Variants in CRB2 observed in about 807,000 individuals in gnomAD.
The protein encoded by CRB2 is protein crumbs homolog 2.
CRB2 carries 85 observed loss-of-function variants against 110.9 expected under a neutral mutation model. The observed-to-expected ratio is 0.77, with a 90% CI of 0.64 to 0.92. The LOEUF (loss-of-function observed/expected upper bound fraction) is 0.92. CRB2 is among the 40% of genes least tolerant of loss of function. The pLI is 0.00. For missense variants in CRB2, 1,843 were observed against 1,851.3 expected (o/e 1.00, Z 0.08); for synonymous variants, 907 against 831.0 (o/e 1.09, Z -1.57).
chr9:123,373,333 C>T lies in CRB2; in HGVS notation c.2802C>T (p.Arg934=), dbSNP rs1325768097. Residue 934 remains arginine, a synonymous_variant, in exon 10 of 13, where the codon CGC becomes CGT. Transcript: ENST00000373631. ...VRNGSLAGGV[R]GGHGLPGAVL... ...ATGGCTCGCTGGCGGGGGGCGTGCG[C>T]GGAGGCCATGGCCTGCCCGGCGCTG... 29 of 1,443,366 alleles carry T rather than the reference C, an allele frequency of 2.0e-5. No individual in the cohort carries two copies. Among genetic ancestry groups the T allele is most frequent in the African/African-American group, 6.0e-5 (4 of 66,790 alleles). The allele number at this position is 1,443,366 out of a possible 1,614,324, so 89.4% of individuals were successfully genotyped here. A position where few individuals can be genotyped will look rare whatever the true frequency, so the allele number is the denominator to read the frequency against.
In CRB2 at chr9:123,373,671, C is replaced by T. The variant is rs1214368804; in HGVS notation, c.3140C>T (p.Thr1047Met). 1.1e-5 allele frequency: 16 copies of T among 1,446,882 alleles called. No individual in the cohort carries two copies. Among genetic ancestry groups the T allele is most frequent in the East Asian group, 3.0e-5 (1 of 33,500 alleles). The allele number at this position is 1,446,882 out of a possible 1,614,324, so 89.6% of individuals were successfully genotyped here. ...AREHFASWPG[T>M]PAPILGCRGA... ...GAGCACTTCGCGTCTTGGCCTGGGA[C>T]GCCGGCCCCGATCCTCGGCTGCCGC... The change falls in exon 10 of 13, where the codon ACG (threonine) becomes ATG (methionine). Residue 1047 changes from threonine to methionine, a missense_variant. By Grantham distance (81) the Thr-to-Met change is moderately conservative (BLOSUM62 -1). Coordinates refer to ENST00000373631, the MANE Select transcript of CRB2 (RefSeq NM_173689.7).
chr9:123,354,879 G>A (rs1301734784), upstream of CRB2, among the ~76,000 whole-genome samples: 1 of 152,192 alleles, frequency 6.6e-6, no homozygotes, highest in African/African-American at 2.4e-5. Flanking sequence ...GGCCTGTGTG[G>A]TGCCCACTGC....
chr9:123,368,950 T>C (rs1217296223), intron 6 of CRB2: 1 of 1,233,440 alleles, frequency 8.1e-7, no homozygotes, highest in East Asian at 7.1e-5. Flanking sequence ...CTGGCAGGTA[T>C]GGAGGAATGT....
chr9:123,368,298 A>G (rs2041965665), intron 6 of CRB2, among the ~76,000 whole-genome samples: 1 of 151,950 alleles, frequency 6.6e-6, no homozygotes. Flanking sequence ...GATGGTGGTC[A>G]CCTCTTCCCC....
rs760279960 is a variant in CRB2, at chr9:123,373,429, G to A, written c.2898G>A (p.Pro966=). ...WHRVRLAMER[P]AATTSRWLLW... ...GCGTGCGTCTGGCCATGGAGCGCCCGGCGGCCACCACCTCGCGCTGGCTGC... is the reference window on the plus strand; with the variant it reads ...GCGTGCGTCTGGCCATGGAGCGCCCAGCGGCCACCACCTCGCGCTGGCTGC... The change falls in exon 10 of 13, where the codon CCG becomes CCA. Residue 966 remains proline, a synonymous_variant. Transcript: ENST00000373631. 2 of 1,447,438 alleles carry A rather than the reference G, an allele frequency of 1.4e-6. No individual in the cohort carries two copies. Among genetic ancestry groups the A allele is most frequent in the Non-Finnish European group, 1.8e-6 (2 of 1,105,822 alleles). 89.7% of individuals were successfully genotyped at this position (1,447,438 alleles called of 1,614,324 possible).
chr9:123,372,185 C>A lies in CRB2; in HGVS notation c.2445C>A (p.Pro815=). 1 of 1,614,024 alleles carries A rather than the reference C, an allele frequency of 6.2e-7. No homozygotes were observed. The highest frequency in any genetic ancestry group is 1.1e-5 in the South Asian group (1 of 91,076). The change falls in exon 9 of 13, where the codon CCC becomes CCA. Residue 815 remains proline, a synonymous_variant. Transcript: ENST00000373631. ...CVSEDMCSPD[P]CFNGGTCLVT... is the part of the protein sequence containing the mutation. The stretch of plus-strand genomic sequence containing the variant: ...CCCTGCCTCTCCCACAGCCTGACCC[C>A]TGTTTCAATGGTGGGACTTGCCTCG...
At position 123,371,485 on chromosome 9, in the gene CRB2, T is replaced by G; in HGVS notation, c.2343T>G (p.Pro781=). 6.2e-7 allele frequency: 1 copy of G among 1,613,208 alleles called. No homozygotes were observed. The highest frequency in any genetic ancestry group is 2.2e-5 in the East Asian group (1 of 44,890). The change falls in exon 8 of 13, where the codon CCT becomes CCG. Residue 781 remains proline (P), a synonymous_variant. Coordinates refer to ENST00000373631, the MANE Select transcript of CRB2 (RefSeq NM_173689.7). The stretch of plus-strand genomic sequence containing the variant: ...ATGGCTGCCACCTCCCCTTCTTTCC[T>G]CTGCCACTGGATAACTCAAGCCAGC... The part of the protein sequence containing the change: ...RLDGCHLPFF[P]LPLDNSSQPS...
chr9:123,379,251 G>A (rs538828365), downstream of CRB2, among the ~76,000 whole-genome samples: 206 of 152,194 alleles, frequency 1.4e-3, no homozygotes, highest in African/African-American at 4.7e-3. Flanking sequence ...GCATTCCCCC[G>A]CCCGCCTCCC....
intron 11 of CRB2, 151 bp from the exon 12 acceptor site, chr9:123,375,066 T>G (rs1212560077): frequency 1.7e-6 from 2 of 1,206,076 alleles, no homozygotes; most frequent in Non-Finnish European, 1.2e-6. Flanking sequence ...GGTGGTCACC[T>G]GGCAGGGCCC....
Position 123,356,265 on chromosome 9 carries a change from C to T in CRB2, c.5C>T (p.Ala2Val), listed in dbSNP as rs201425854. The T allele has an allele frequency of 3.3e-3, 5,064 of 1,520,152 alleles. 22 individuals carry two copies. The highest frequency in any genetic ancestry group is 3.6e-3 in the Non-Finnish European group (4,124 of 1,137,076). 94.2% of individuals were successfully genotyped at this position (1,520,152 alleles called of 1,614,324 possible). A position where few individuals can be genotyped will look rare whatever the true frequency, so the allele number is the denominator to read the frequency against. Reference sequence around the variant, plus strand: ...CAGAGCGCAGAGCGGGCTGCCATGGCGCTGGCCAGGCCTGGGACCCCGGAC... The same window carrying T: ...CAGAGCGCAGAGCGGGCTGCCATGGTGCTGGCCAGGCCTGGGACCCCGGAC... M[A>V]LARPGTPDPQ... Residue 2 changes from alanine to valine, a missense_variant, in exon 1 of 13, where the codon GCG (alanine) becomes GTG (valine). Coordinates refer to ENST00000373631, the MANE Select transcript of CRB2 (RefSeq NM_173689.7).
Position 123,376,833 on chromosome 9 carries a change from T to C in CRB2, c.3634-5T>C, listed in dbSNP as rs1341484820. On this transcript the variant is annotated splice_region_variant and splice_polypyrimidine_tract_variant and intron_variant, in intron 12 of 12. Coordinates refer to ENST00000373631, the MANE Select transcript of CRB2 (RefSeq NM_173689.7). ...TCTTAGGCCTCGGTGTCGTGTCTCTTGCAGAAGGGCCTGCCCCTGCCGCTG... is the reference window on the plus strand; with the variant it reads ...TCTTAGGCCTCGGTGTCGTGTCTCTCGCAGAAGGGCCTGCCCCTGCCGCTG... 2 of 1,603,600 alleles carry C rather than the reference T, an allele frequency of 1.2e-6. No homozygotes were observed. The highest frequency in any genetic ancestry group is 1.7e-6 in the Non-Finnish European group (2 of 1,177,036).
intron 9 of CRB2, 124 bp downstream of exon 9, chr9:123,372,466 G>A (rs567118641): frequency 7.9e-7 from 1 of 1,268,654 alleles, no homozygotes; most frequent in African/African-American, 1.5e-5. Context: ...CTAGGGCAGT[G>A]TGGCGGGGCC....
rs147047443 is a variant in CRB2, at chr9:123,367,272, C to T, written c.855C>T (p.Tyr285=). The T allele has an allele frequency of 1.6e-4, 260 of 1,600,128 alleles. 1 individual carries two copies. In the African/African-American group the frequency reaches 2.1e-3, roughly 13 times the overall value. The part of the protein sequence containing the change: ...RCLQRSDPAL[Y]GGVQAAFPGA... ...TGCAGCGCTCTGACCCGGCCCTCTA[C>T]GGGGGTGTCCAGGCCGCCTTCCCTG... Residue 285 remains tyrosine, a synonymous_variant, in exon 5 of 13, where the codon TAC becomes TAT. Coordinates refer to ENST00000373631, the MANE Select transcript of CRB2 (RefSeq NM_173689.7).
chr9:123,367,034 C>T (rs2041942283), intron 4 of CRB2, 138 bp from the exon 5 acceptor site: 3 of 816,426 alleles, frequency 3.7e-6, no homozygotes, highest in Non-Finnish European at 5.6e-6. Flanking sequence ...TCCTGCGGCC[C>T]TTAGTGTGTC....
intron 1 of CRB2, among the ~76,000 whole-genome samples, chr9:123,361,325 T>C (rs11789721): frequency 0.3 from 46,307 of 152,114 alleles, 7,926 homozygotes; most frequent in Non-Finnish European, 0.38. Context: ...GTGAATCCTT[T>C]CAACACCTCC....
chr9:123,367,676 T>C lies in CRB2; in HGVS notation c.1044T>C (p.Asp348=). 2 of 1,557,360 alleles carry C rather than the reference T, an allele frequency of 1.3e-6. No homozygotes were observed. ...ATGGCTTCCAGTGTCACTGCCCAGA[T>C]GGCTACGCAGGTGTCTGGGGTGGGG... ...LPNGFQCHCP[D]GYAGPTCEED... The change falls in exon 6 of 13, where the codon GAT becomes GAC. Residue 348 remains aspartate, a synonymous_variant. Transcript: ENST00000373631.
In CRB2 at chr9:123,366,380, G is replaced by A; in HGVS notation, c.754+14G>A. ...TCTGTTGGCCAGGTGTGTGCGTGCA[G>A]GTGCGCGGCCTGGCGGGGGGAGGGG... On this transcript the variant is annotated intron_variant, in intron 4 of 12. Transcript: ENST00000373631. The A allele has an allele frequency of 6.5e-7, 1 of 1,536,510 alleles. No homozygotes were observed.
intron 11 of CRB2, 131 bp downstream of exon 11, chr9:123,374,826 T>G: frequency 1.5e-6 from 1 of 647,338 alleles, no homozygotes; most frequent in Non-Finnish European, 2.7e-6. Flanking sequence ...CATTGTCACT[T>G]GAGTTTCCTT....
chr9:123,370,270 C>G lies in CRB2; in HGVS notation c.1217C>G (p.Pro406Arg). The change falls in exon 7 of 13, where the codon CCG (proline) becomes CGG (arginine). Residue 406 changes from proline (P) to arginine (R), a missense_variant. By Grantham distance (103) the Pro-to-Arg change is moderately radical. Transcript: ENST00000373631. ...ACTGGCTGCCAGGGCCACACCTGCC[C>G]GCTGGCTGCCACCTGCATCCCTATC... ...QLTGCQGHTC[P>R]LAATCIPIFE... The G allele has an allele frequency of 1.9e-6, 3 of 1,613,302 alleles. No homozygotes were observed. The highest frequency in any genetic ancestry group is 2.5e-6 in the Non-Finnish European group (3 of 1,180,010).
Sources: allele counts gnomAD v4.1 joint callset (sites outside exome capture counted in the v4.1 genomes callset), GRCh38; gene constraint gnomAD v4.1.1; transcripts MANE v1.5; gene names NCBI Gene and HGNC (gene_info 2026-07-23, HGNC 2026-07-21).